SYTL5: variants seen among roughly 807,000 people sequenced by gnomAD.
SYTL5 encodes synaptotagmin-like protein 5.
Under a neutral mutation model 55.9 loss-of-function variants are expected in SYTL5, and 34 were observed. The observed-to-expected ratio is 0.61, with a 90% CI of 0.46 to 0.81. The LOEUF is 0.81. Among genes scored for constraint, SYTL5 ranks in the 30% least tolerant of loss-of-function variants. SYTL5 has a pLI of 0.00. For missense variants in SYTL5, 637 were observed against 546.7 expected, an observed-to-expected ratio of 1.17 and a Z score of -1.65; for synonymous variants, 221 against 188.7, an observed-to-expected ratio of 1.17 and a Z score of -1.40.
At chrX:38,105,342 C>T (rs1023556066) in intron 10 of SYTL5, among the ~76,000 whole-genome samples, 3 of 112,949 alleles carry the variant, frequency 2.7e-5, no homozygotes, top group African/African-American at 9.6e-5. Context: ...AACGTGTGCC[C>T]AAGGTGCTCA....
At chrX:38,068,186 A>G (rs1477844605) in intron 3 of SYTL5, among the ~76,000 whole-genome samples, 2 of 112,275 alleles carry the variant, frequency 1.8e-5, no homozygotes, top group Admixed American at 1.9e-4. Context: ...AATATTCATC[A>G]CTAATCATCA....
intron 1 of SYTL5, among the ~76,000 whole-genome samples, chrX:38,018,001 T>C (rs1271690701): frequency 9.1e-6 from 1 of 109,358 alleles, no homozygotes; most frequent in South Asian, 4.1e-4. Flanking sequence ...ATAAACTTGT[T>C]TGTGGAGGTC....
chrX:37,907,988 G>T, the SYTL5 span, among the ~76,000 whole-genome samples: 1 of 110,587 alleles, frequency 9.0e-6, no homozygotes, highest in East Asian at 2.8e-4. Flanking sequence ...GCAGTAGCAT[G>T]TGCCTGTGGT....
chrX:37,920,674 G>C, the SYTL5 span, among the ~76,000 whole-genome samples: 1 of 110,611 alleles, frequency 9.0e-6, no homozygotes, highest in East Asian at 2.8e-4. Flanking sequence ...TTTATATCTA[G>C]CATCTAGGCT....
chrX:37,925,602 G>A, the SYTL5 span, among the ~76,000 whole-genome samples: 2 of 110,810 alleles, frequency 1.8e-5, no homozygotes, highest in South Asian at 7.7e-4. Context: ...TTTTGGTTTT[G>A]GTTTTAATTT....
At chrX:38,046,647 C>T (rs182644431) in intron 2 of SYTL5, among the ~76,000 whole-genome samples, 42 of 111,612 alleles carry the variant, frequency 3.8e-4, no homozygotes, top group African/African-American at 1.3e-3. Context: ...CTCATGTCCT[C>T]ACATTTCAAA....
At chrX:37,988,858 A>G in the SYTL5 span, among the ~76,000 whole-genome samples, 1 of 112,415 alleles carries the variant, frequency 8.9e-6, no homozygotes, top group African/African-American at 3.2e-5. Flanking sequence ...AGGACTTGTA[A>G]GCAATGAACT....
intron 3 of SYTL5, among the ~76,000 whole-genome samples, chrX:38,061,386 A>T (rs759703698): frequency 8.9e-6 from 1 of 111,734 alleles, no homozygotes; most frequent in Non-Finnish European, 1.9e-5. Context: ...ACGGAAGCAT[A>T]AATAATATTT....
the SYTL5 span, among the ~76,000 whole-genome samples, chrX:37,889,595 T>A: frequency 1.8e-5 from 2 of 111,345 alleles, no homozygotes; most frequent in Non-Finnish European, 3.8e-5. Flanking sequence ...GTGGGGGGGA[T>A]AATCATACAA....
chrX:38,002,363 T>C (rs1372688694), upstream of SYTL5, among the ~76,000 whole-genome samples: 2 of 111,911 alleles, frequency 1.8e-5, no homozygotes, highest in Non-Finnish European at 3.8e-5. Context: ...TGATTTATAA[T>C]CCTTTGGGTA....
At chrX:38,095,944 A>G (rs1182217523) in intron 8 of SYTL5, among the ~76,000 whole-genome samples, 190 bp from the exon 9 acceptor site, 1 of 111,586 alleles carries the variant, frequency 9.0e-6, no homozygotes, top group Non-Finnish European at 1.9e-5. Context: ...TTACCAAAAT[A>G]TTATTAAAAA....
intron 10 of SYTL5, 119 bp downstream of exon 10, chrX:38,102,553 TGTAAG>T: frequency 2.0e-6 from 1 of 508,612 alleles, no homozygotes; most frequent in Non-Finnish European, 3.4e-6. Flanking sequence ...TAAAAGTCAT[TGTAAG>T]ATCCTGCTTG....
chrX:38,059,760 T>C (rs1935893108), intron 3 of SYTL5, among the ~76,000 whole-genome samples: 1 of 111,515 alleles, frequency 9.0e-6, no homozygotes, highest in South Asian at 3.7e-4. Flanking sequence ...TCTGCCAAGA[T>C]GAGATTTTCC....
chrX:37,915,457 G>A, the SYTL5 span, among the ~76,000 whole-genome samples: 1 of 111,430 alleles, frequency 9.0e-6, no homozygotes, highest in Admixed American at 9.6e-5. Flanking sequence ...ATTGAAATAC[G>A]GTTATCAGAA....
At chrX:38,066,250 C>A (rs993223914) in intron 3 of SYTL5, among the ~76,000 whole-genome samples, 33 of 111,786 alleles carry the variant, frequency 3.0e-4, no homozygotes, top group African/African-American at 1.0e-3. Flanking sequence ...AATAAAGGAG[C>A]AAAATGAATC....
chrX:38,009,342 T>C (rs1349939615), intron 1 of SYTL5, among the ~76,000 whole-genome samples: 1 of 112,349 alleles, frequency 8.9e-6, no homozygotes, highest in Non-Finnish European at 1.9e-5. Context: ...TTTTCCCACT[T>C]GTATGTCCAA....
chrX:38,031,635 G>A (rs1284757732), intron 1 of SYTL5, among the ~76,000 whole-genome samples: 1 of 112,079 alleles, frequency 8.9e-6, no homozygotes, highest in Non-Finnish European at 1.9e-5. Context: ...TGAACCCTGG[G>A]TGTAATGATA....
At chrX:37,939,034 G>A in the SYTL5 span, among the ~76,000 whole-genome samples, 1 of 111,034 alleles carries the variant, frequency 9.0e-6, no homozygotes, top group Non-Finnish European at 1.9e-5. Flanking sequence ...GAGGCAGGCA[G>A]ATCACCTGAG....
At chrX:37,935,025 G>C in the SYTL5 span, among the ~76,000 whole-genome samples, 1 of 110,113 alleles carries the variant, frequency 9.1e-6, no homozygotes, top group African/African-American at 3.3e-5. Flanking sequence ...TTCCAAGTTG[G>C]ATAAACTCAA....
Sources: gnomAD v4.1 joint callset for allele counts (sites outside exome capture counted in the v4.1 genomes callset) on GRCh38, gnomAD v4.1.1 for gene constraint, MANE v1.5 for transcripts, NCBI Gene and HGNC (gene_info 2026-07-23, HGNC 2026-07-21) for gene names.